COL1A1: variants seen among roughly 807,000 people sequenced by gnomAD.
COL1A1 encodes collagen type I alpha 1 chain.
COL1A1 carries 21 observed loss-of-function variants against 195.7 expected under a neutral mutation model. The ratio of observed to expected loss-of-function variants is 0.11; its 90% CI spans 0.08 to 0.15. The LOEUF is 0.15. Ranked by LOEUF, COL1A1 falls within the 10% of genes least tolerant of loss-of-function variation. COL1A1 has a pLI of 1.00. For synonymous variants in COL1A1, 749 were observed against 747.3 expected (o/e 1.00, Z -0.04); for missense variants, 1,365 against 2,051.0 (o/e 0.67, Z 6.46).
intron 1 of COL1A1, 115 bp from the exon 2 acceptor site, chr17:50,200,062 G>T (rs1270708956): frequency 7.8e-6 from 9 of 1,159,650 alleles, no homozygotes; most frequent in Non-Finnish European, 1.2e-5. Flanking sequence ...CCCTCCCCCC[G>T]TTCTTCTTTC....
chr17:50,198,085 C>T, intron 7 of COL1A1, 76 bp downstream of exon 7: 1 of 1,607,536 alleles, frequency 6.2e-7, no homozygotes, highest in East Asian at 2.2e-5. Flanking sequence ...CTGAGCATCT[C>T]TCCTGCCCTC....
chr17:50,198,424 C>T lies in COL1A1; in HGVS notation c.543+9G>A, dbSNP rs111549032. On this transcript the variant is annotated intron_variant, in intron 6 of 50. Coordinates refer to ENST00000225964, the MANE Select transcript of COL1A1 (RefSeq NM_000088.4). Reference sequence around the variant, plus strand: ...TCTTCTGTCATCCATGCTCCCCCTGCTGGCTCACCATGGGGCCAGGCACGG... The same window carrying T: ...TCTTCTGTCATCCATGCTCCCCCTGTTGGCTCACCATGGGGCCAGGCACGG... 16 of 1,612,822 alleles carry T rather than the reference C, an allele frequency of 9.9e-6. No individual in the cohort carries two copies. In the East Asian group the frequency reaches 1.1e-4, roughly 11 times the overall value.
At position 50,187,484 on chromosome 17, in the gene COL1A1, T is replaced by G. The variant is rs148737409; in HGVS notation, c.3423A>C (p.Arg1141=). ...AGAGGAGAGAGAAGGCATGACTTAC[T>G]CGGGGACCAGCAGGACCAGAGGCTC... The part of the protein sequence containing the change: ...PSGASGPAGP[R]GPPGSAGAPG... The change falls in exon 46 of 51, where the codon CGA becomes CGC. Residue 1141 remains arginine, a splice_region_variant and synonymous_variant. Coordinates refer to ENST00000225964, the MANE Select transcript of COL1A1 (RefSeq NM_000088.4). The G allele has an allele frequency of 1.0e-4, 169 of 1,613,874 alleles. No individual in the cohort carries two copies. The African/African-American group carries it at 1.7e-3, about 16-fold the overall frequency.
chr17:50,191,593 C>T lies in COL1A1; in HGVS notation c.2128-103G>A, dbSNP rs146777183. 2,736 of 1,239,722 alleles carry T rather than the reference C, an allele frequency of 2.2e-3. 6 individuals are homozygous for T. The highest frequency in any genetic ancestry group is 2.7e-3 in the Non-Finnish European group (2,308 of 852,828). 76.8% of individuals were successfully genotyped at this position (1,239,722 alleles called of 1,614,324 possible). A position where few individuals can be genotyped will look rare whatever the true frequency, so the allele number is the denominator to read the frequency against. ...CTCCCAGGCTTGTTTCCAAGGCCAA[C>T]GACAAGCCTTGAGAAAAGATGAAAA... On this transcript the variant is annotated intron_variant, in intron 31 of 50. Transcript: ENST00000225964.
intron 1 of COL1A1, chr17:50,200,156 C>G: frequency 1.6e-6 from 1 of 620,186 alleles, no homozygotes; most frequent in Non-Finnish European, 2.9e-6. Context: ...GTAACTCTTT[C>G]CAGTTCTCAG....
At chr17:50,191,144 G>A (rs1907038429) in intron 32 of COL1A1, among the ~76,000 whole-genome samples, 1 of 152,084 alleles carries the variant, frequency 6.6e-6, no homozygotes, top group Non-Finnish European at 1.5e-5. Context: ...GGATGAATAA[G>A]GGAGCCTCCA....
chr17:50,194,133 G>C lies in COL1A1; in HGVS notation c.1665C>G (p.Pro555=), dbSNP rs1187403277. The C allele has an allele frequency of 6.2e-7, 1 of 1,613,644 alleles. No homozygotes were observed. The highest frequency in any genetic ancestry group is 8.5e-7 in the Non-Finnish European group (1 of 1,179,900). Residue 555 remains proline, a synonymous_variant, in exon 24 of 51, where the codon CCC becomes CCG. Transcript: ENST00000225964. The surrounding 1 kb of genome is among the most constrained non-coding windows in gnomAD (Gnocchi z 6.8). ...GTTCAGGGGGAGTGATACTTACAGG[G>C]GGGCCAGTTTTGCCATCAGGACCAG... The part of the protein sequence containing the change: ...GSPGPDGKTG[P]PGPAGQDGRP...
In COL1A1 at chr17:50,194,835, AG is replaced by A. The variant is rs765450816; in HGVS notation, c.1354-8del. On this transcript the variant is annotated splice_region_variant and splice_polypyrimidine_tract_variant and intron_variant, in intron 20 of 50. Coordinates refer to ENST00000225964, the MANE Select transcript of COL1A1 (RefSeq NM_000088.4). This position sits in a 1 kb window ranked among gnomAD's most constrained non-coding sequence, Gnocchi z 6.8. The stretch of plus-strand genomic sequence containing the variant: ...CTTGAACACCAACAGGGCCCTGGAG[AG>A]GGCCGAGAGGAGGAGGCGGCCTGTG... 3.6e-5 allele frequency: 57 copies of A among 1,568,278 alleles called. No homozygotes were observed. Among genetic ancestry groups the A allele is most frequent in the Non-Finnish European group, 4.8e-5 (55 of 1,156,464 alleles).
In COL1A1 at chr17:50,192,743, C is replaced by G. The variant is rs368570063; in HGVS notation, c.1876-50G>C. On this transcript the variant is annotated intron_variant, in intron 27 of 50. Transcript: ENST00000225964. ...ACGGGGAGGCCGAGGAGACGAGGGG[C>G]TGAGGGTGTCTCCCCTTTTCTGCTC... The G allele has an allele frequency of 2.5e-6, 4 of 1,613,786 alleles. No individual in the cohort carries two copies. The African/African-American group carries it at 5.3e-5, about 22-fold the overall frequency.
At position 50,194,016 on chromosome 17, in the gene COL1A1, G is replaced by A. The variant is rs764989002; in HGVS notation, c.1694C>T (p.Pro565Leu). 44 of 1,614,126 alleles carry A rather than the reference G, an allele frequency of 2.7e-5. No homozygotes were observed. Among genetic ancestry groups the A allele is most frequent in the Non-Finnish European group, 3.6e-5 (43 of 1,180,024 alleles). The change falls in exon 25 of 51, where the codon CCC becomes CTC. Residue 565 changes from proline (P) to leucine (L), a missense_variant. Coordinates refer to ENST00000225964, the MANE Select transcript of COL1A1 (RefSeq NM_000088.4). This position sits in a 1 kb window ranked among gnomAD's most constrained non-coding sequence, Gnocchi z 6.8. ...GGCACCAGGTGGGCCTGGGGGTCCG[G>A]GGCGACCATCTTGACCGGCGGGACC... ...PPGPAGQDGR[P>L]GPPGPPGARG...
Position 50,185,558 on chromosome 17 carries a change from C to T in COL1A1, c.4339G>A (p.Val1447Ile), listed in dbSNP as rs367952133. 28 of 1,613,462 alleles carry T rather than the reference C, an allele frequency of 1.7e-5. No individual in the cohort carries two copies. Among genetic ancestry groups the T allele is most frequent in the South Asian group, 3.3e-5 (3 of 91,032 alleles). ...CCGAATTCCTGGTCTGGGGCACCAACGTCCAAGGGGGCCACATCGATGATG... is the reference window on the plus strand; with the variant it reads ...CCGAATTCCTGGTCTGGGGCACCAATGTCCAAGGGGGCCACATCGATGATG... ...LPIIDVAPLD[V>I]GAPDQEFGFD... The change falls in exon 51 of 51, where the codon GTT (valine) becomes ATT (isoleucine). Residue 1447 changes from valine (V) to isoleucine (I), a missense_variant. Val to Ile is a conservative substitution (Grantham distance 29). Coordinates refer to ENST00000225964, the MANE Select transcript of COL1A1 (RefSeq NM_000088.4).
rs1360779405 is a variant in COL1A1, at chr17:50,184,838, C to A, written c.*664G>T. On this transcript the variant is annotated 3_prime_UTR_variant, in exon 51 of 51. Coordinates refer to ENST00000225964, the MANE Select transcript of COL1A1 (RefSeq NM_000088.4). ...CTTTGTCGTGGCCCTTCCTGACTCT[C>A]CTCCGAACCCAGTGAGGGGCTGGTG... 1 of 231,298 alleles carries A rather than the reference C, an allele frequency of 4.3e-6. No homozygotes were observed. The highest frequency in any genetic ancestry group is 5.6e-5 in the Admixed American group (1 of 17,710). The allele number at this position is 231,298 out of a possible 1,614,324, so 14.3% of individuals were successfully genotyped here.
At position 50,201,490 on chromosome 17, in the gene COL1A1, C is replaced by G; in HGVS notation, c.24G>C (p.Arg8=). Reference sequence around the variant, plus strand: ...CGGTGGCCGCTAAGAGGAGCAGGAGCCGGAGGTCCACAAAGCTGAACATGT... The same window carrying G: ...CGGTGGCCGCTAAGAGGAGCAGGAGGCGGAGGTCCACAAAGCTGAACATGT... MFSFVDL[R]LLLLLAATAL... The change falls in exon 1 of 51, where the codon CGG becomes CGC. Residue 8 remains arginine, a synonymous_variant. Coordinates refer to ENST00000225964, the MANE Select transcript of COL1A1 (RefSeq NM_000088.4). The G allele has an allele frequency of 6.2e-7, 1 of 1,612,342 alleles. No individual in the cohort carries two copies. The highest frequency in any genetic ancestry group is 1.1e-5 in the South Asian group (1 of 91,002).
intron 45 of COL1A1, 155 bp from the exon 46 acceptor site, chr17:50,187,692 A>G (rs1906675810): frequency 1.1e-6 from 1 of 952,200 alleles, no homozygotes; most frequent in Non-Finnish European, 1.7e-6. Context: ...GACCTCTCCC[A>G]TAATCCCTCT....
At chr17:50,196,129 C>T in intron 15 of COL1A1, 26 bp downstream of exon 15, 4 of 1,613,878 alleles carry the variant, frequency 2.5e-6, no homozygotes, top group Non-Finnish European at 3.4e-6. Context: ...CACTCCCAGG[C>T]CCTGAGGCCT....
intron 12 of COL1A1, 37 bp from the exon 13 acceptor site, chr17:50,196,565 A>G (rs1317145909): frequency 6.2e-7 from 1 of 1,614,002 alleles, no homozygotes; most frequent in Admixed American, 1.7e-5. Context: ...AAATTCATTC[A>G]TGGTGGGACT....
rs964914306 is a variant in COL1A1 at position 50,193,543 on chromosome 17, G to A, written c.1767+400C>T. The A allele has an allele frequency of 2.7e-5, 8 of 294,228 alleles. No individual in the cohort carries two copies. The East Asian group carries it at 3.2e-4, about 12-fold the overall frequency. 18.2% of individuals were successfully genotyped at this position (294,228 alleles called of 1,614,324 possible). On this transcript the variant is annotated intron_variant, in intron 25 of 50. Transcript: ENST00000225964. Reference sequence around the variant, plus strand: ...GTTGCCCAGGCTGGAGTGCAATGGCGTGATCTCAGCTCACTGCAACCTCCA... The same window carrying A: ...GTTGCCCAGGCTGGAGTGCAATGGCATGATCTCAGCTCACTGCAACCTCCA...
rs560300842 is a variant in COL1A1 at position 50,193,739 on chromosome 17, C to T, written c.1767+204G>A. ...CTCATGGTCTGCCCGCCTTGGCCTC[C>T]CAAAGTGCTGGGATTACAGGCATGA... On this transcript the variant is annotated intron_variant, in intron 25 of 50. Coordinates refer to ENST00000225964, the MANE Select transcript of COL1A1 (RefSeq NM_000088.4). 8.2e-6 allele frequency: 5 copies of T among 606,760 alleles called. No homozygotes were observed. In the South Asian group the frequency reaches 8.7e-5, roughly 11 times the overall value. 37.6% of individuals were successfully genotyped at this position (606,760 alleles called of 1,614,324 possible).
In COL1A1 at chr17:50,195,109, G is replaced by T. The variant is rs780311548; in HGVS notation, c.1300-9C>A. The T allele has an allele frequency of 1.2e-5, 20 of 1,613,434 alleles. No homozygotes were observed. The highest frequency in any genetic ancestry group is 1.7e-5 in the Non-Finnish European group (20 of 1,179,766). On this transcript the variant is annotated splice_polypyrimidine_tract_variant and intron_variant, in intron 19 of 50. Coordinates refer to ENST00000225964, the MANE Select transcript of COL1A1 (RefSeq NM_000088.4). This position sits in a 1 kb window ranked among gnomAD's most constrained non-coding sequence, Gnocchi z 4.3. ...GGAGCACCAGGTTCACCCTGCAAGG[G>T]GGGAGAAGAGGATGAGCTGAGAGTC...
Sources: allele counts gnomAD v4.1 joint callset (sites outside exome capture counted in the v4.1 genomes callset), GRCh38; gene constraint gnomAD v4.1.1; non-coding constraint Gnocchi (gnomAD v3.1); transcripts MANE v1.5; gene names NCBI Gene and HGNC (gene_info 2026-07-23, HGNC 2026-07-21).